APBB2: variants seen among roughly 807,000 people sequenced by gnomAD.
APBB2 encodes Fe65-like 1.
APBB2 carries 38 observed loss-of-function variants against 82.5 expected under a neutral mutation model. The ratio of observed to expected loss-of-function variants is 0.46; its 90% CI spans 0.36 to 0.60. The LOEUF (loss-of-function observed/expected upper bound fraction) is 0.60. Ranked by LOEUF, APBB2 falls within the 20% of genes least tolerant of loss-of-function variation. APBB2 has a pLI of 0.00. For missense variants in APBB2, 772 were observed against 972.3 expected (o/e 0.79, Z 2.74); for synonymous variants, 341 against 368.2 (o/e 0.93, Z 0.85).
chr4:41,147,072 T>G (rs1760978286), intron 1 of APBB2, among the ~76,000 whole-genome samples: 1 of 152,220 alleles, frequency 6.6e-6, no homozygotes, highest in South Asian at 2.1e-4. Flanking sequence ...TTTATTCCCT[T>G]TGATGCCTCA....
rs2465551 is a variant in APBB2, at chr4:40,836,663, G to A, written c.1530-6086C>T. Among the ~76,000 whole-genome samples, 562 of 152,264 alleles carry A rather than the reference G, an allele frequency of 3.7e-3. 3 individuals carry two copies. Among genetic ancestry groups the A allele is most frequent in the African/African-American group, 0.013 (533 of 41,542 alleles). The stretch of plus-strand genomic sequence containing the variant: ...GGTCCCAAAGATATCAAAGAAAGGG[G>A]GTTGAGGGAAAGGGGTAGAGAGCTT... On this transcript the variant is annotated intron_variant, in intron 12 of 17. Coordinates refer to ENST00000508593, the MANE Select transcript of APBB2 (RefSeq NM_004307.2).
chr4:40,924,533 C>T (rs1394882472), intron 10 of APBB2, among the ~76,000 whole-genome samples: 1 of 152,196 alleles, frequency 6.6e-6, no homozygotes, highest in Non-Finnish European at 1.5e-5. Context: ...CTTCCTGCTT[C>T]TTAGAAGCTG....
chr4:41,087,011 G>C (rs1244884990), intron 3 of APBB2, among the ~76,000 whole-genome samples: 14 of 152,048 alleles, frequency 9.2e-5, no homozygotes, highest in Admixed American at 2.0e-4. Context: ...ATGGTGGCAT[G>C]TATCTATAGT....
At position 40,810,880 on chromosome 4, in the gene APBB2, A is replaced by G. The variant is rs1296967601; in HGVS notation, c.*5212T>C. The G allele has an allele frequency of 3.9e-5, 6 of 152,310 alleles. No individual in the cohort carries two copies. Among genetic ancestry groups the G allele is most frequent in the Admixed American group, 2.0e-4 (3 of 15,290 alleles). 9.4% of individuals were successfully genotyped at this position (152,310 alleles called of 1,614,324 possible). Reference sequence around the variant, plus strand: ...GCTTAATTTAACATATTGTTCAGTAAAGAATCCCATTGTGTATCATAAGAA... The same window carrying G: ...GCTTAATTTAACATATTGTTCAGTAGAGAATCCCATTGTGTATCATAAGAA... On this transcript the variant is annotated 3_prime_UTR_variant, in exon 18 of 18. Transcript: ENST00000508593.
rs1560445116 is a variant in APBB2, at chr4:40,982,222, G to GAAAGAAAAGAAAGA, written c.835+31360_835+31361insTCTTTCTTTTCTTT. 2.3e-4 allele frequency among the ~76,000 whole-genome samples: 8 copies of GAAAGAAAAGAAAGA among 34,154 alleles called. 1 individual carries two copies. The highest frequency in any genetic ancestry group is 2.4e-3 in the South Asian group (2 of 830). The allele number at this position is 34,154 out of a possible 152,430, so 22.4% of individuals were successfully genotyped here. ...AAGAAAGAAAAGAAAGAAAAGAAAG[G>GAAAGAAAAGAAAGA]AAAGAAAGAAAGAAAGAAAGAAAGA... is the stretch of plus-strand genomic sequence containing the variant. On this transcript the variant is annotated intron_variant, in intron 6 of 17. Transcript: ENST00000508593.
At chr4:41,082,257 C>T (rs1462739495) in intron 3 of APBB2, among the ~76,000 whole-genome samples, 1 of 152,138 alleles carries the variant, frequency 6.6e-6, no homozygotes. Context: ...AAATTACATG[C>T]TAAGAAACTT....
intron 12 of APBB2, among the ~76,000 whole-genome samples, chr4:40,853,536 G>A (rs1413085695): frequency 2.0e-5 from 3 of 151,436 alleles, no homozygotes; most frequent in South Asian, 4.2e-4. Context: ...TGCAACCTCC[G>A]CCTCCTGGGT....
chr4:40,926,450 A>AT lies in APBB2; in HGVS notation c.1254+8005dup, dbSNP rs199837698. Among the ~76,000 whole-genome samples, 1,237 of 146,432 alleles carry AT rather than the reference A, an allele frequency of 8.4e-3. 18 individuals carry two copies. The highest frequency in any genetic ancestry group is 0.028 in the East Asian group (140 of 5,026). Reference sequence around the variant, plus strand: ...ACTCCAATCCCAAATTGCCAAAATGATTTTTTTTTTTTTGAGATGGAGTCT... The same window carrying AT: ...ACTCCAATCCCAAATTGCCAAAATGATTTTTTTTTTTTTTGAGATGGAGTCT... On this transcript the variant is annotated intron_variant, in intron 10 of 17. Transcript: ENST00000508593.
At chr4:40,998,550 A>G (rs1804272285) in intron 6 of APBB2, among the ~76,000 whole-genome samples, 1 of 152,222 alleles carries the variant, frequency 6.6e-6, no homozygotes, top group Admixed American at 6.5e-5. Flanking sequence ...TAACCTATGT[A>G]TCTGTATTAG....
At chr4:41,079,932 C>G (rs35211869) in intron 3 of APBB2, among the ~76,000 whole-genome samples, 6,494 of 152,264 alleles carry the variant, frequency 0.043, 216 homozygotes, top group Middle Eastern at 0.12. Flanking sequence ...AACAACCTCA[C>G]TTTGGAAATG....
intron 10 of APBB2, among the ~76,000 whole-genome samples, chr4:40,913,093 A>G (rs1279132085): frequency 1.3e-5 from 2 of 152,166 alleles, no homozygotes; most frequent in Non-Finnish European, 2.9e-5. Context: ...GAAGTGGAAC[A>G]TTGCATTTCG....
chr4:41,060,776 T>C (rs1309999541), intron 4 of APBB2, among the ~76,000 whole-genome samples: 1 of 151,568 alleles, frequency 6.6e-6, no homozygotes, highest in Non-Finnish European at 1.5e-5. Flanking sequence ...TTTAGCGGGT[T>C]ACCAAAAGAT....
chr4:41,198,340 C>T, intron 1 of APBB2, among the ~76,000 whole-genome samples: 1 of 152,284 alleles, frequency 6.6e-6, no homozygotes, highest in Middle Eastern at 3.4e-3. Context: ...TACTGGCTAG[C>T]ATATGGCCTG....
intron 2 of APBB2, among the ~76,000 whole-genome samples, chr4:41,130,571 G>A (rs1463620031): frequency 6.6e-6 from 1 of 152,170 alleles, no homozygotes; most frequent in African/African-American, 2.4e-5. Flanking sequence ...AAAACATGAA[G>A]TCCTTATGAT....
At chr4:40,965,605 AT>A (rs1306213723) in intron 6 of APBB2, among the ~76,000 whole-genome samples, 5 of 152,192 alleles carry the variant, frequency 3.3e-5, no homozygotes, top group Admixed American at 6.5e-5. Flanking sequence ...TCAAAATGAT[AT>A]TTTTTATATA....
chr4:41,069,931 C>T (rs924126676), intron 3 of APBB2, among the ~76,000 whole-genome samples: 3 of 152,162 alleles, frequency 2.0e-5, no homozygotes, highest in Admixed American at 6.5e-5. Context: ...TTATGAAACA[C>T]AAGATGCCTC....
Position 40,982,330 on chromosome 4 carries a change from AGAAGGAAGGAAGGAAGGAAGGAAGGAAG to A in APBB2, c.835+31225_835+31252del, listed in dbSNP as rs202091127. Among the ~76,000 whole-genome samples the A allele has an allele frequency of 7.6e-4, 18 of 23,626 alleles. 1 individual carries two copies. The highest frequency in any genetic ancestry group is 6.8e-3 in the South Asian group (4 of 592). 15.5% of individuals were successfully genotyped at this position (23,626 alleles called of 152,430 possible). A position where few individuals can be genotyped will look rare whatever the true frequency, so the allele number is the denominator to read the frequency against. On this transcript the variant is annotated intron_variant, in intron 6 of 17. Coordinates refer to ENST00000508593, the MANE Select transcript of APBB2 (RefSeq NM_004307.2). ...GGAAAGAAAGAAAGAAAGAAAAGAA[AGAAGGAAGGAAGGAAGGAAGGAAGGAAG>A]GAAGGAAGGAAGGAAGGAAGGAAGG...
intron 4 of APBB2, among the ~76,000 whole-genome samples, chr4:41,061,441 G>A (rs1729800600): frequency 6.6e-6 from 1 of 152,214 alleles, no homozygotes; most frequent in African/African-American, 2.4e-5. Flanking sequence ...GCAGAGCCTA[G>A]TGTTCCCAGG....
In APBB2 at chr4:40,816,522, C is replaced by T. The variant is rs116972844; in HGVS notation, c.2113-263G>A. On this transcript the variant is annotated intron_variant, in intron 17 of 17. Transcript: ENST00000508593. Reference sequence around the variant, plus strand: ...CCACGTGTCCTCTATATTGATAGTCCGCAACGAATACACCTCACAGTCAAT... The same window carrying T: ...CCACGTGTCCTCTATATTGATAGTCTGCAACGAATACACCTCACAGTCAAT... 5.3e-5 allele frequency among the ~76,000 whole-genome samples: 8 copies of T among 152,236 alleles called. No homozygotes were observed. The East Asian group carries it at 7.7e-4, about 15-fold the overall frequency.
Sources: gnomAD v4.1 joint callset for allele counts (sites outside exome capture counted in the v4.1 genomes callset) on GRCh38, gnomAD v4.1.1 for gene constraint, MANE v1.5 for transcripts, NCBI Gene and HGNC (gene_info 2026-07-23, HGNC 2026-07-21) for gene names.